LMNA: variants seen among roughly 807,000 people sequenced by gnomAD.
LMNA encodes the protein lamin A/C.
Under a neutral mutation model 70.4 loss-of-function variants are expected in LMNA, and 20 were observed. The ratio of observed to expected loss-of-function variants is 0.28; its 90% confidence interval spans 0.20 to 0.41. The LOEUF is 0.41. Ranked by LOEUF, LMNA falls within the 10% of genes least tolerant of loss-of-function variation. The probability of loss-of-function intolerance (pLI) is 1.00; values close to 1 mark genes in which losing one functional copy is unlikely to be tolerated. For synonymous variants in LMNA, 339 were observed against 372.8 expected (o/e 0.91, Z 1.04); for missense variants, 652 against 917.2 (o/e 0.71, Z 3.73).
intron 1 of LMNA, 92 bp from the exon 2 acceptor site, chr1:156,130,525 C>A: frequency 7.4e-7 from 1 of 1,350,592 alleles, no homozygotes; most frequent in Non-Finnish European, 1.1e-6. Flanking sequence ...GGCATAGCAG[C>A]GCCAGCCCCC....
intron 2 of LMNA, among the ~76,000 whole-genome samples, chr1:156,088,994 T>G (rs1648590955): frequency 6.6e-6 from 1 of 152,226 alleles, no homozygotes; most frequent in African/African-American, 2.4e-5. Flanking sequence ...TTTGTTTATT[T>G]TGAGCCAGGG....
chr1:156,135,351 G>A lies in LMNA; in HGVS notation c.936+39G>A. 1 of 1,556,314 alleles carries A rather than the reference G, an allele frequency of 6.4e-7. No homozygotes were observed. The highest frequency in any genetic ancestry group is 8.7e-7 in the Non-Finnish European group (1 of 1,144,180). On this transcript the variant is annotated intron_variant, in intron 5 of 11. Transcript: ENST00000368300. This position sits in a 1 kb window ranked among gnomAD's most constrained non-coding sequence, Gnocchi z 4.8. Reference sequence around the variant, plus strand: ...TCACCCCTCTCTCCAGGGGCCTAGAGTCTGGGCCGGATGCAGGCTGGAAGC... The same window carrying A: ...TCACCCCTCTCTCCAGGGGCCTAGAATCTGGGCCGGATGCAGGCTGGAAGC...
chr1:156,126,121 G>A, intron 1 of LMNA: 1 of 1,478,350 alleles, frequency 6.8e-7, no homozygotes, highest in African/African-American at 1.4e-5. Flanking sequence ...GGCCACAGGG[G>A]GCGATGTTCC....
intron 3 of LMNA, among the ~76,000 whole-genome samples, chr1:156,102,571 C>T (rs920094306): frequency 6.6e-6 from 1 of 152,200 alleles, no homozygotes; most frequent in African/African-American, 2.4e-5. Context: ...AGGCGTTCCA[C>T]AGTGGGCAGA....
intron 2 of LMNA, 70 bp downstream of exon 2, chr1:156,130,843 C>T (rs1650999313): frequency 1.4e-6 from 2 of 1,461,354 alleles, no homozygotes; most frequent in Non-Finnish European, 1.9e-6. Context: ...CTACCTAGGC[C>T]CTCCCCCATG....
chr1:156,126,271 G>T, intron 1 of LMNA: 1 of 1,399,254 alleles, frequency 7.1e-7, no homozygotes, highest in Non-Finnish European at 9.5e-7. Flanking sequence ...CTGCAGGGCT[G>T]GGCCAGCTCC....
chr1:156,096,836 G>A (rs867431228), intron 3 of LMNA, among the ~76,000 whole-genome samples: 4 of 152,236 alleles, frequency 2.6e-5, no homozygotes, highest in Non-Finnish European at 4.4e-5. Flanking sequence ...CCTCCCTTGC[G>A]CTTGCTCATC....
chr1:156,130,660 C>G lies in LMNA; in HGVS notation c.400C>G (p.Leu134Val). 2 of 1,614,076 alleles carry G rather than the reference C, an allele frequency of 1.2e-6. No homozygotes were observed. Among genetic ancestry groups the G allele is most frequent in the Non-Finnish European group, 1.7e-6 (2 of 1,180,020 alleles). Residue 134 changes from leucine (L) to valine (V), a missense_variant, in exon 2 of 12, where the codon CTG becomes GTG. Transcript: ENST00000368300. ...EGDLIAAQAR[L>V]KDLEALLNSK... is the part of the protein sequence containing the mutation. Reference sequence around the variant, plus strand: ...TGACCTGATAGCTGCTCAGGCTCGGCTGAAGGACCTGGAGGCTCTGCTGAA... The same window carrying G: ...TGACCTGATAGCTGCTCAGGCTCGGGTGAAGGACCTGGAGGCTCTGCTGAA...
intron 1 of LMNA, among the ~76,000 whole-genome samples, chr1:156,116,135 C>T (rs1176491356): frequency 6.6e-6 from 1 of 152,184 alleles, no homozygotes; most frequent in Non-Finnish European, 1.5e-5. Context: ...CTAGTGTCTT[C>T]GAGGGTTGGG....
At chr1:156,087,256 T>G (rs886270615) in intron 2 of LMNA, among the ~76,000 whole-genome samples, 80 of 151,526 alleles carry the variant, frequency 5.3e-4, no homozygotes, top group African/African-American at 1.8e-3. Context: ...TTTTTTTTTT[T>G]GTGGGGGGAC....
chr1:156,136,618 T>G lies in LMNA; in HGVS notation c.1380+182T>G, dbSNP rs1651662245. On this transcript the variant is annotated intron_variant, in intron 7 of 11. Coordinates refer to ENST00000368300, the MANE Select transcript of LMNA (RefSeq NM_170707.4). This position sits in a 1 kb window ranked among gnomAD's most constrained non-coding sequence, Gnocchi z 6.1. ...TCCTGGACTCTTTGGCTGTGAGACCTTGAGCAGGTTATTTAACCTCTCAGA... is the reference window on the plus strand; with the variant it reads ...TCCTGGACTCTTTGGCTGTGAGACCGTGAGCAGGTTATTTAACCTCTCAGA... 2 of 717,314 alleles carry G rather than the reference T, an allele frequency of 2.8e-6. No homozygotes were observed. Among genetic ancestry groups the G allele is most frequent in the South Asian group, 3.2e-5 (2 of 63,368 alleles). 44.4% of individuals were successfully genotyped at this position (717,314 alleles called of 1,614,324 possible). A position where few individuals can be genotyped will look rare whatever the true frequency, so the allele number is the denominator to read the frequency against.
In LMNA at chr1:156,088,147, G is replaced by A. The variant is rs1648551481; in HGVS notation, c.-318-2324G>A. 1.3e-5 allele frequency among the ~76,000 whole-genome samples: 2 copies of A among 152,134 alleles called. 1 individual carries two copies. Among genetic ancestry groups the A allele is most frequent in the Admixed American group, 1.3e-4 (2 of 15,266 alleles). ...GGCCTCCCAAAGTGCTGGGATTACA[G>A]GTGTGAGCCACCAGCCCGGCCCCAG... On this transcript the variant is annotated intron_variant, in intron 2 of 12. Coordinates refer to the LMNA transcript ENST00000368301.
In LMNA at chr1:156,140,019, G is replaced by A. The variant is rs1651973353; in HGVS notation, c.*913G>A. On this transcript the variant is annotated 3_prime_UTR_variant, in exon 12 of 12. Coordinates refer to ENST00000368300, the MANE Select transcript of LMNA (RefSeq NM_170707.4). ...TTTTGGCAAACGCTAAAGAGCCCTTGCCTCCCCATTTCCCATCTGCACCCC... is the reference window on the plus strand; with the variant it reads ...TTTTGGCAAACGCTAAAGAGCCCTTACCTCCCCATTTCCCATCTGCACCCC... The A allele has an allele frequency of 7.2e-6, 4 of 552,398 alleles. No individual in the cohort carries two copies. Among genetic ancestry groups the A allele is most frequent in the Non-Finnish European group, 1.3e-5 (4 of 317,828 alleles). The allele number at this position is 552,398 out of a possible 1,614,324, so 34.2% of individuals were successfully genotyped here. A position where few individuals can be genotyped will look rare whatever the true frequency, so the allele number is the denominator to read the frequency against.
Position 156,137,306 on chromosome 1 carries a change from C to T in LMNA, c.1608+74C>T. 6.5e-7 allele frequency: 1 copy of T among 1,531,844 alleles called. No individual in the cohort carries two copies. Among genetic ancestry groups the T allele is most frequent in the Non-Finnish European group, 8.7e-7 (1 of 1,143,602 alleles). 94.9% of individuals were successfully genotyped at this position (1,531,844 alleles called of 1,614,324 possible). A position where few individuals can be genotyped will look rare whatever the true frequency, so the allele number is the denominator to read the frequency against. On this transcript the variant is annotated intron_variant, in intron 9 of 11. Coordinates refer to ENST00000368300, the MANE Select transcript of LMNA (RefSeq NM_170707.4). The surrounding 1 kb of genome is among the most constrained non-coding windows in gnomAD (Gnocchi z 4.6). ...GGCCAACATCGGAGCCAGCTGCCCC[C>T]AACCCAAGTTTGCCAATTCAGGGCC...
At chr1:156,090,789 C>A (rs1648667483) in intron 3 of LMNA, among the ~76,000 whole-genome samples, 1 of 152,074 alleles carries the variant, frequency 6.6e-6, no homozygotes, top group African/African-American at 2.4e-5. Flanking sequence ...CTGGAGGTGC[C>A]CAGGGAGACT....
At chr1:156,112,136 G>T (rs1649562937), upstream of LMNA, among the ~76,000 whole-genome samples, 1 of 152,164 alleles carries the variant, frequency 6.6e-6, no homozygotes, top group South Asian at 2.1e-4. Context: ...GGGAGGTCTG[G>T]CCAGACACAG....
chr1:156,124,331 CA>C (rs1301911923), intron 1 of LMNA, among the ~76,000 whole-genome samples: 3 of 152,028 alleles, frequency 2.0e-5, no homozygotes, highest in Non-Finnish European at 4.4e-5. Flanking sequence ...CTCTGTTGCC[CA>C]GGCTAGAATG....
rs1285233641 is a variant in LMNA, at chr1:156,115,988, T to C, written c.356+714T>C. Among the ~76,000 whole-genome samples the C allele has an allele frequency of 6.6e-6, 1 of 151,888 alleles. No individual in the cohort carries two copies. Among genetic ancestry groups the C allele is most frequent in the Non-Finnish European group, 1.5e-5 (1 of 67,958 alleles). On this transcript the variant is annotated intron_variant, in intron 1 of 11. Transcript: ENST00000368300. This position sits in a 1 kb window ranked among gnomAD's most constrained non-coding sequence, Gnocchi z 5.8. The stretch of plus-strand genomic sequence containing the variant: ...GAGCTCCGGGAGATGAGAGATCGGC[T>C]CCCCCGCAGCTCCCACAGCCCTTGG...
chr1:156,135,273 C>G lies in LMNA; in HGVS notation c.897C>G (p.Ile299Met), dbSNP rs762718963. 9.9e-6 allele frequency: 16 copies of G among 1,613,482 alleles called. No homozygotes were observed. The South Asian group carries it at 1.5e-4, about 16-fold the overall frequency. Residue 299 changes from isoleucine (I) to methionine (M), a missense_variant, in exon 5 of 12, where the codon ATC (isoleucine) becomes ATG (methionine). Ile to Met is a conservative substitution (Grantham distance 10, BLOSUM62 1). Around this residue, in one of 4 missense-constraint regions of LMNA, gnomAD observed 254 missense variants for 421.9 expected, o/e 0.60. Transcript: ENST00000368300. This position sits in a 1 kb window ranked among gnomAD's most constrained non-coding sequence, Gnocchi z 4.8. The stretch of plus-strand genomic sequence containing the variant: ...AGCTGCAGCAGTCGCGCATCCGCAT[C>G]GACAGCCTCTCTGCCCAGCTCAGCC... Reference protein sequence around the residue: ...HEELQQSRIRIDSLSAQLSQL... With the variant: ...HEELQQSRIRMDSLSAQLSQL...
Sources: allele counts gnomAD v4.1 joint callset (sites outside exome capture counted in the v4.1 genomes callset), GRCh38; gene constraint gnomAD v4.1.1; regional missense constraint gnomAD v4.1.1; non-coding constraint Gnocchi (gnomAD v3.1); transcripts MANE v1.5; gene names NCBI Gene and HGNC (gene_info 2026-07-23, HGNC 2026-07-21).